The following NCOR2 variants were observed in gnomAD, a reference collection of about 807,000 sequenced individuals.
NCOR2 encodes CTG repeat protein 26.
A neutral mutation model predicts 262.9 loss-of-function variants in NCOR2; 81 were observed. The observed-to-expected ratio is 0.31, with a 90% CI of 0.26 to 0.37. The LOEUF (loss-of-function observed/expected upper bound fraction) is 0.37. NCOR2 is among the 10% of genes least tolerant of loss of function. The probability of loss-of-function intolerance (pLI) is 1.00; values close to 1 mark genes in which losing one functional copy is unlikely to be tolerated. For synonymous variants in NCOR2, 1,659 were observed against 1,559.3 expected, an observed-to-expected ratio of 1.06 and a Z score of -1.51; for missense variants, 3,385 against 3,621.4, an observed-to-expected ratio of 0.93 and a Z score of 1.68.
At position 124,549,498 on chromosome 12, in the gene NCOR2, G is replaced by T. The variant is rs79075254; in HGVS notation, c.-164-13887C>A. On this transcript the variant is annotated intron_variant, in intron 1 of 32. Transcript: ENST00000458234. This position sits in a 1 kb window ranked among gnomAD's most constrained non-coding sequence, Gnocchi z 4.4. ...CCCCCTGCAGTAGAAACCCCCACCC[G>T]CGAGGCCAGGCACAGAGAAGGTACC... is the stretch of plus-strand genomic sequence containing the variant. Among the ~76,000 whole-genome samples the T allele has an allele frequency of 6.6e-6, 1 of 151,892 alleles. No homozygotes were observed. Among genetic ancestry groups the T allele is most frequent in the Non-Finnish European group, 1.5e-5 (1 of 67,942 alleles).
At chr12:124,400,478 C>A (rs767973365) in intron 15 of NCOR2, 23 bp downstream of exon 17, 1 of 1,605,068 alleles carries the variant, frequency 6.2e-7, no homozygotes, top group Non-Finnish European at 8.5e-7. Context: ...CTTCCCCACC[C>A]GCATCCCTGG....
At chr12:124,437,765 GTC>G (rs762910468) in intron 8 of NCOR2, among the ~76,000 whole-genome samples, 163 bp downstream of exon 10, 274 of 143,696 alleles carry the variant, frequency 1.9e-3, no homozygotes, top group Non-Finnish European at 2.9e-3. Context: ...AGCAGCTGTT[GTC>G]TTTCCTCCTT....
exon 20 of NCOR2, chr12:124,372,287 C>A: frequency 6.5e-7 from 1 of 1,545,772 alleles, no homozygotes; most frequent in Non-Finnish European, 8.7e-7. Context: ...AGCTCCTCAG[C>A]CGCGGGGGGC....
At chr12:124,441,435 C>CA (rs1472236211) in intron 7 of NCOR2, among the ~76,000 whole-genome samples, 1 of 152,180 alleles carries the variant, frequency 6.6e-6, no homozygotes, top group Non-Finnish European at 1.5e-5. Context: ...TTCAATACAT[C>CA]AATACATGGA....
At chr12:124,470,457 T>C (rs935336149) in intron 4 of NCOR2, among the ~76,000 whole-genome samples, 1 of 152,112 alleles carries the variant, frequency 6.6e-6, no homozygotes, top group Admixed American at 6.5e-5. Context: ...TGGCCACAGA[T>C]GATGAAATAA....
chr12:124,507,576 A>G (rs1420382472), intron 1 of NCOR2, among the ~76,000 whole-genome samples: 2 of 152,166 alleles, frequency 1.3e-5, no homozygotes, highest in Non-Finnish European at 2.9e-5. Context: ...CATGACGGCC[A>G]CAGGGCATGG....
chr12:124,410,985 C>T (rs563330420), intron 13 of NCOR2, among the ~76,000 whole-genome samples: 1 of 141,606 alleles, frequency 7.1e-6, no homozygotes, highest in South Asian at 2.4e-4. Context: ...GGAGCAGAGA[C>T]CTGGAGGAGG....
At chr12:124,507,645 C>G (rs1053908407) in intron 1 of NCOR2, among the ~76,000 whole-genome samples, 8 of 152,270 alleles carry the variant, frequency 5.3e-5, no homozygotes, top group Non-Finnish European at 1.2e-4. Flanking sequence ...GAGCTCTCCC[C>G]TCGCCAGCTG....
At chr12:124,452,170 G>A (rs746518013) in intron 6 of NCOR2, among the ~76,000 whole-genome samples, 18 of 152,316 alleles carry the variant, frequency 1.2e-4, no homozygotes, top group South Asian at 4.1e-4. Flanking sequence ...GAGAGCCCAC[G>A]GTCAGACTCA....
At chr12:124,431,245 C>T (rs1593505259) in intron 8 of NCOR2, among the ~76,000 whole-genome samples, 4 of 151,022 alleles carry the variant, frequency 2.6e-5, no homozygotes. Context: ...GGCACACGTA[C>T]ATACAGGCAC....
At position 124,354,796 on chromosome 12, in the gene NCOR2, C is replaced by A. The variant is rs770951172; in HGVS notation, c.3484+41G>T. 4 of 1,586,038 alleles carry A rather than the reference C, an allele frequency of 2.5e-6. No individual in the cohort carries two copies. In the African/African-American group the frequency reaches 4.1e-5, roughly 16 times the overall value. On this transcript the variant is annotated intron_variant, in intron 25 of 46. Coordinates refer to ENST00000405201, the Ensembl canonical transcript of NCOR2. Reference sequence around the variant, plus strand: ...CGCCCCACCCACAGGACAGCCAGAGCCCAGCCTGAGCCACCCAGACGGATG... The same window carrying A: ...CGCCCCACCCACAGGACAGCCAGAGACCAGCCTGAGCCACCCAGACGGATG...
rs976065806 is a variant in NCOR2 at position 124,503,242 on chromosome 12, A to G, written c.-117-7874T>C. Among the ~76,000 whole-genome samples, 5 of 152,228 alleles carry G rather than the reference A, an allele frequency of 3.3e-5. No homozygotes were observed. Among genetic ancestry groups the G allele is most frequent in the African/African-American group, 1.2e-4 (5 of 41,466 alleles). ...CTACAGCAGTGACCAAGTCAGACAA[A>G]AGGCAAAAGGCCCTGCTGACCACGG... On this transcript the variant is annotated intron_variant, in intron 1 of 46. Transcript: ENST00000404621. This position sits in a 1 kb window ranked among gnomAD's most constrained non-coding sequence, Gnocchi z 4.3.
intron 13 of NCOR2, among the ~76,000 whole-genome samples, chr12:124,407,636 T>A (rs2042346877): frequency 6.6e-6 from 1 of 152,168 alleles, no homozygotes; most frequent in African/African-American, 2.4e-5. Flanking sequence ...GACAGTCCAG[T>A]GAGAAGGTGC....
At chr12:124,499,526 G>A (rs1387873751), upstream of NCOR2, among the ~76,000 whole-genome samples, 1 of 152,260 alleles carries the variant, frequency 6.6e-6, no homozygotes, top group African/African-American at 2.4e-5. Context: ...TGCTCCAGCT[G>A]GAGGCGCCGC....
chr12:124,493,621 A>G (rs1311468635), intron 1 of NCOR2, among the ~76,000 whole-genome samples: 3 of 152,218 alleles, frequency 2.0e-5, no homozygotes, highest in Non-Finnish European at 4.4e-5. Context: ...AGGGGAATGC[A>G]CACAACCATA....
In NCOR2 at chr12:124,523,737, C is replaced by T. The variant is rs2050314912; in HGVS notation, c.-118+11828G>A. ...AAACCGTCCTGAGCCGCAGGTTGGA[C>T]AAGCTTGCCTTACAACAATCCTATG... On this transcript the variant is annotated intron_variant, in intron 1 of 46. Coordinates refer to the NCOR2 transcript ENST00000404621. This position sits in a 1 kb window ranked among gnomAD's most constrained non-coding sequence, Gnocchi z 4.0. Among the ~76,000 whole-genome samples, 1 of 152,012 alleles carries T rather than the reference C, an allele frequency of 6.6e-6. No homozygotes were observed. The highest frequency in any genetic ancestry group is 1.5e-5 in the Non-Finnish European group (1 of 68,022).
chr12:124,537,639 T>C (rs913862337), upstream of NCOR2, among the ~76,000 whole-genome samples: 1 of 152,218 alleles, frequency 6.6e-6, no homozygotes, highest in Non-Finnish European at 1.5e-5. Context: ...GCCACTCCAG[T>C]GTGTGCCACT....
rs1276519739 is a variant in NCOR2 at position 124,435,336 on chromosome 12, G to A, written c.882+2594C>T. Among the ~76,000 whole-genome samples, 6 of 152,332 alleles carry A rather than the reference G, an allele frequency of 3.9e-5. No homozygotes were observed. The East Asian group carries it at 9.6e-4, about 24-fold the overall frequency. ...AACTTGATAAACAGATTGGACGCTC[G>A]TTTCAAGAGCCTCTCGCACCAGCCC... On this transcript the variant is annotated intron_variant, in intron 8 of 46. Coordinates refer to ENST00000405201, the Ensembl canonical transcript of NCOR2.
At chr12:124,375,303 C>T (rs2039901325) in intron 18 of NCOR2, among the ~76,000 whole-genome samples, 2 of 152,162 alleles carry the variant, frequency 1.3e-5, no homozygotes, top group African/African-American at 4.8e-5. Context: ...ACTTCTGGGT[C>T]TCAGTTTGTT....
Sources: allele counts gnomAD v4.1 joint callset (sites outside exome capture counted in the v4.1 genomes callset), GRCh38; gene constraint gnomAD v4.1.1; non-coding constraint Gnocchi (gnomAD v3.1); transcripts MANE v1.5; gene names NCBI Gene and HGNC (gene_info 2026-07-23, HGNC 2026-07-21).